Variants in RNF138 observed in about 807,000 individuals in gnomAD.
The protein encoded by RNF138 is E3 ubiquitin-protein ligase RNF138.
A neutral mutation model predicts 31.0 loss-of-function variants in RNF138; 12 were observed. The observed-to-expected ratio is 0.39, with a 90% CI of 0.25 to 0.63. The LOEUF (loss-of-function observed/expected upper bound fraction) is 0.63. RNF138 is among the 20% of genes least tolerant of loss of function. The pLI is 0.52. For missense variants in RNF138, 192 were observed against 300.1 expected (o/e 0.64, Z 2.66); for synonymous variants, 105 against 99.5 (o/e 1.06, Z -0.33).
At chr18:32,116,472 G>T (rs1418023875) in intron 4 of RNF138, among the ~76,000 whole-genome samples, 1 of 149,032 alleles carries the variant, frequency 6.7e-6, no homozygotes, top group African/African-American at 2.5e-5. Flanking sequence ...GAGTTTGTAT[G>T]TGGATTTTTA....
Position 32,130,240 on chromosome 18 carries a change from AAGTGATAGTCAC to A in RNF138, c.*1058_*1069del, listed in dbSNP as rs2040451656. On this transcript the variant is annotated 3_prime_UTR_variant, in exon 8 of 8. Transcript: ENST00000261593. ...TTTTGTATATCACCAAATTTTTAAA[AAGTGATAGTCAC>A]AGTGCTAAGTTATCTAGTTGGCTAC... The A allele has an allele frequency of 6.6e-6, 1 of 152,382 alleles. No individual in the cohort carries two copies. Among genetic ancestry groups the A allele is most frequent in the African/African-American group, 2.4e-5 (1 of 41,432 alleles). The allele number at this position is 152,382 out of a possible 1,614,324, so 9.4% of individuals were successfully genotyped here.
At position 32,113,728 on chromosome 18, in the gene RNF138, A is replaced by G. The variant is rs1217797026; in HGVS notation, c.277-17A>G. 1 of 1,145,288 alleles carries G rather than the reference A, an allele frequency of 8.7e-7. No individual in the cohort carries two copies. The highest frequency in any genetic ancestry group is 1.5e-5 in the South Asian group (1 of 67,130). The allele number at this position is 1,145,288 out of a possible 1,614,324, so 70.9% of individuals were successfully genotyped here. A position where few individuals can be genotyped will look rare whatever the true frequency, so the allele number is the denominator to read the frequency against. On this transcript the variant is annotated splice_polypyrimidine_tract_variant and intron_variant, in intron 3 of 7. Transcript: ENST00000261593. ...AGTTCTATTTTAAATTAAAAGTCAC[A>G]TTTTAATAATTTACAGATTAAATTC...
chr18:32,115,693 C>T (rs1041106664), intron 4 of RNF138, among the ~76,000 whole-genome samples: 1 of 152,096 alleles, frequency 6.6e-6, no homozygotes, highest in African/African-American at 2.4e-5. Context: ...TGCAGTGAGC[C>T]GAGAGCACAT....
chr18:32,105,815 C>T (rs1211080232), intron 2 of RNF138, among the ~76,000 whole-genome samples: 1 of 152,210 alleles, frequency 6.6e-6, no homozygotes, highest in Non-Finnish European at 1.5e-5. Flanking sequence ...GTCTGTTCTA[C>T]TTGCTGCAAC....
At chr18:32,104,449 A>G (rs1176305775) in intron 2 of RNF138, among the ~76,000 whole-genome samples, 1 of 152,190 alleles carries the variant, frequency 6.6e-6, no homozygotes, top group East Asian at 1.9e-4. Context: ...GACATTTAAC[A>G]TTGTATTTCA....
chr18:32,125,357 GGTAT>G (rs1300648684), intron 6 of RNF138: 2 of 152,432 alleles, frequency 1.3e-5, no homozygotes, highest in African/African-American at 2.4e-5. Context: ...ACATTTTGAG[GGTAT>G]GTAAGAAAAT....
intron 2 of RNF138, among the ~76,000 whole-genome samples, 198 bp downstream of exon 2, chr18:32,093,084 C>T (rs990070549): frequency 1.3e-5 from 2 of 151,612 alleles, no homozygotes; most frequent in African/African-American, 4.8e-5. Context: ...CCGCTCCCCG[C>T]GTCCAGCCCC....
intron 2 of RNF138, among the ~76,000 whole-genome samples, chr18:32,100,155 A>G (rs1445518623): frequency 3.9e-5 from 6 of 152,062 alleles, no homozygotes; most frequent in Non-Finnish European, 1.5e-5. Flanking sequence ...GTAAAGAGCA[A>G]ATAGATAGGA....
chr18:32,103,028 C>CTA (rs370933289), intron 2 of RNF138, among the ~76,000 whole-genome samples: 174 of 152,144 alleles, frequency 1.1e-3, no homozygotes, highest in African/African-American at 4.0e-3. Context: ...TCTTTATAGC[C>CTA]TATATATATA....
intron 2 of RNF138, among the ~76,000 whole-genome samples, chr18:32,094,829 T>G (rs2039776411): frequency 6.6e-6 from 1 of 152,194 alleles, no homozygotes; most frequent in African/African-American, 2.4e-5. Flanking sequence ...ATCATTCTAA[T>G]TATCCTTTGG....
At position 32,119,836 on chromosome 18, in the gene RNF138, C is replaced by CT. The variant is rs1224639587; in HGVS notation, c.393-3675dup. On this transcript the variant is annotated intron_variant, in intron 4 of 7. Transcript: ENST00000261593. ...TTTTGTTGCTATAAAAATGAGCCCCCTTTTTTTCCTGTTTGATAATCTAAT... is the reference window on the plus strand; with the variant it reads ...TTTTGTTGCTATAAAAATGAGCCCCCTTTTTTTTCCTGTTTGATAATCTAAT... 1.1e-4 allele frequency among the ~76,000 whole-genome samples: 16 copies of CT among 152,116 alleles called. 1 individual carries two copies. The highest frequency in any genetic ancestry group is 3.8e-4 in the East Asian group (2 of 5,204).
chr18:32,128,303 C>T (rs972450003), intron 7 of RNF138, among the ~76,000 whole-genome samples: 4 of 152,258 alleles, frequency 2.6e-5, no homozygotes, highest in African/African-American at 7.2e-5. Context: ...TGTGGGAGGC[C>T]GAGGCGGGTG....
intron 2 of RNF138, among the ~76,000 whole-genome samples, chr18:32,106,574 T>G (rs1164931672): frequency 1.3e-5 from 2 of 151,960 alleles, no homozygotes; most frequent in Non-Finnish European, 2.9e-5. Flanking sequence ...ATTTATTTAT[T>G]TGTTTATTGA....
chr18:32,092,266 G>GGCCGGGGT (rs1209648586), intron 1 of RNF138, 31 bp downstream of exon 1: 2 of 154,040 alleles, frequency 1.3e-5, no homozygotes, highest in Non-Finnish European at 2.9e-5. Context: ...AGCGTGGAGG[G>GGCCGGGGT]GCCGGGGTGC....
In RNF138 at chr18:32,092,847, T is replaced by C. The variant is rs2039724497; in HGVS notation, c.71T>C (p.Val24Ala). Reference sequence around the variant, plus strand: ...TTCTACTGCCCCGTCTGTCAGGAGGTGCTCAAAACGCCCGTGCGGACCACG... The same window carrying C: ...TTCTACTGCCCCGTCTGTCAGGAGGCGCTCAAAACGCCCGTGCGGACCACG... ...DDFYCPVCQE[V>A]LKTPVRTTAC... The change falls in exon 2 of 8, where the codon GTG becomes GCG. Residue 24 changes from valine to alanine, a missense_variant. This residue lies in a region of RNF138 where 52 missense variants were observed against 48.4 expected (regional missense o/e 1.07). Coordinates refer to ENST00000261593, the MANE Select transcript of RNF138 (RefSeq NM_016271.5). The C allele has an allele frequency of 1.3e-6, 2 of 1,592,458 alleles. No homozygotes were observed. The highest frequency in any genetic ancestry group is 4.6e-5 in the East Asian group (2 of 43,662).
chr18:32,117,354 T>A (rs1026386663), intron 4 of RNF138, among the ~76,000 whole-genome samples: 1 of 151,982 alleles, frequency 6.6e-6, no homozygotes, highest in African/African-American at 2.4e-5. Context: ...ACTATATAAG[T>A]AGGGTATAGG....
At chr18:32,128,996 G>C in intron 7 of RNF138, 123 bp from the exon 8 acceptor site, 1 of 663,618 alleles carries the variant, frequency 1.5e-6, no homozygotes, top group Non-Finnish European at 2.7e-6. Flanking sequence ...TTACATAACT[G>C]TCCTGAGTGT....
At chr18:32,093,982 G>C (rs2039758097) in intron 2 of RNF138, among the ~76,000 whole-genome samples, 1 of 151,954 alleles carries the variant, frequency 6.6e-6, no homozygotes, top group African/African-American at 2.4e-5. Context: ...TAGTAGAGAC[G>C]GGGTTTCACC....
chr18:32,113,945 GGA>G, intron 4 of RNF138, 85 bp downstream of exon 4: 1 of 704,578 alleles, frequency 1.4e-6, no homozygotes, highest in Non-Finnish European at 2.4e-6. Context: ...GTATTTGGGG[GGA>G]TGTGTGTGTG....
Sources: gnomAD v4.1 joint callset for allele counts (sites outside exome capture counted in the v4.1 genomes callset) on GRCh38, gnomAD v4.1.1 for gene constraint, gnomAD v4.1.1 regional missense constraint, MANE v1.5 for transcripts, NCBI Gene and HGNC (gene_info 2026-07-23, HGNC 2026-07-21) for gene names.